CEP112: variants seen among roughly 807,000 people sequenced by gnomAD.
The protein encoded by CEP112 is centrosomal protein 112, also known as centrosomal protein of 112 kDa.
In CEP112, 127 loss-of-function variants were observed where a neutral mutation model predicts 153.0. The ratio of observed to expected loss-of-function variants is 0.83; its 90% CI spans 0.72 to 0.96. CEP112 has a LOEUF of 0.96. Among genes scored for constraint, CEP112 ranks in the 40% least tolerant of loss-of-function variants. The pLI is 0.00. For synonymous variants in CEP112, 358 were observed against 374.4 expected, an observed-to-expected ratio of 0.96 and a Z score of 0.51; for missense variants, 1,089 against 1,101.2, an observed-to-expected ratio of 0.99 and a Z score of 0.16.
chr17:65,941,371 T>C (rs1048534806), intron 18 of CEP112: 1 of 152,138 alleles, frequency 6.6e-6, no homozygotes, highest in African/African-American at 2.4e-5. Flanking sequence ...GGCTTTTGTA[T>C]CAAAAGATTT....
chr17:65,848,413 T>C (rs1014304432), intron 21 of CEP112, among the ~76,000 whole-genome samples: 1 of 152,156 alleles, frequency 6.6e-6, no homozygotes, highest in Non-Finnish European at 1.5e-5. Context: ...CAAATAGTCT[T>C]TTCCTCTATT....
At chr17:66,025,942 C>CACACACACACACACAT in intron 16 of CEP112, among the ~76,000 whole-genome samples, 1 of 122,410 alleles carries the variant, frequency 8.2e-6, no homozygotes, top group Non-Finnish European at 1.8e-5. Context: ...CACACACACA[C>CACACACACACACACAT]ACACACATAT....
At chr17:65,883,853 G>T (rs2146637062) in intron 20 of CEP112, among the ~76,000 whole-genome samples, 1 of 152,304 alleles carries the variant, frequency 6.6e-6, no homozygotes. Flanking sequence ...TGAATAAAGT[G>T]AATGGATTGG....
intron 24 of CEP112, among the ~76,000 whole-genome samples, chr17:65,667,931 G>A (rs2046778964): frequency 6.7e-6 from 1 of 148,660 alleles, no homozygotes. Context: ...GAGTCTCGCT[G>A]TGTCACCCAG....
chr17:65,969,348 G>A (rs1050755168), intron 17 of CEP112, among the ~76,000 whole-genome samples: 1 of 152,080 alleles, frequency 6.6e-6, no homozygotes, highest in Non-Finnish European at 1.5e-5. Flanking sequence ...AGATCATTAT[G>A]AAAAATATTT....
chr17:65,826,143 T>A (rs1311323877), intron 21 of CEP112: 2 of 1,613,994 alleles, frequency 1.2e-6, no homozygotes, highest in South Asian at 2.2e-5. Flanking sequence ...CTTACCTTCT[T>A]CTCTTTGAGG....
At chr17:66,030,084 TA>T in intron 12 of CEP112, 61 bp from the exon 13 acceptor site, 1 of 1,422,088 alleles carries the variant, frequency 7.0e-7, no homozygotes, top group Non-Finnish European at 9.7e-7. Context: ...TTTGTATCTG[TA>T]AGAAGCTTGA....
chr17:65,950,032 A>G (rs2061770340), intron 18 of CEP112, among the ~76,000 whole-genome samples: 1 of 152,150 alleles, frequency 6.6e-6, no homozygotes, highest in Admixed American at 6.6e-5. Context: ...GTATTTTTTA[A>G]AAAATAGCCT....
At chr17:65,790,483 A>G (rs971445512) in intron 21 of CEP112, among the ~76,000 whole-genome samples, 2 of 152,132 alleles carry the variant, frequency 1.3e-5, no homozygotes, top group Non-Finnish European at 2.9e-5. Context: ...TATACTCTTG[A>G]AGCAGCAGTC....
intron 4 of CEP112, among the ~76,000 whole-genome samples, chr17:66,146,273 T>C: frequency 6.6e-6 from 1 of 152,066 alleles, no homozygotes; most frequent in Non-Finnish European, 1.5e-5. Context: ...GGTGGTTAAT[T>C]ATGAATTCAA....
intron 17 of CEP112, among the ~76,000 whole-genome samples, chr17:65,976,098 C>A (rs576981583): frequency 1.3e-5 from 2 of 152,344 alleles, no homozygotes; most frequent in South Asian, 4.1e-4. Flanking sequence ...CTCGGACAAG[C>A]AAGTGTGAAC....
At chr17:66,080,956 G>A (rs1383522087) in intron 8 of CEP112, among the ~76,000 whole-genome samples, 1 of 150,802 alleles carries the variant, frequency 6.6e-6, no homozygotes, top group Non-Finnish European at 1.5e-5. Flanking sequence ...AGTGGGAGTT[G>A]AACAATGAGA....
At chr17:65,762,457 T>C (rs954528817) in intron 21 of CEP112, among the ~76,000 whole-genome samples, 5 of 152,074 alleles carry the variant, frequency 3.3e-5, no homozygotes, top group African/African-American at 9.7e-5. Context: ...AGTTAGATCA[T>C]AGCTACCATA....
chr17:65,654,068 A>AAAAAAAAAAAAAAAAAAG (rs2045934371), intron 24 of CEP112, among the ~76,000 whole-genome samples: 1 of 149,974 alleles, frequency 6.7e-6, no homozygotes, highest in African/African-American at 2.5e-5. Context: ...AAAAAAAAAA[A>AAAAAAAAAAAAAAAAAAG]AAAAAAAAAA....
intron 24 of CEP112, among the ~76,000 whole-genome samples, chr17:65,653,720 C>T (rs2045906734): frequency 6.6e-6 from 1 of 152,020 alleles, no homozygotes; most frequent in Non-Finnish European, 1.5e-5. Context: ...TGCAGCCAAA[C>T]GTTTTTGCAT....
intron 21 of CEP112, among the ~76,000 whole-genome samples, chr17:65,834,710 G>A (rs549501479): frequency 1.3e-5 from 2 of 152,290 alleles, no homozygotes; most frequent in East Asian, 3.9e-4. Context: ...ATGCTGGCAA[G>A]GGTGTGGAGA....
At chr17:65,740,190 T>C (rs1188452883) in intron 23 of CEP112, among the ~76,000 whole-genome samples, 1 of 152,218 alleles carries the variant, frequency 6.6e-6, no homozygotes, top group Non-Finnish European at 1.5e-5. Context: ...TCCAACGTCA[T>C]TTCCTATAGT....
At chr17:66,065,429 G>A (rs565074300) in intron 10 of CEP112, among the ~76,000 whole-genome samples, 1 of 151,902 alleles carries the variant, frequency 6.6e-6, no homozygotes, top group African/African-American at 2.4e-5. Flanking sequence ...TAACAGACTT[G>A]GAATTGGCCT....
intron 11 of CEP112, among the ~76,000 whole-genome samples, chr17:66,060,645 T>C (rs2066886845): frequency 6.6e-6 from 1 of 151,922 alleles, no homozygotes; most frequent in East Asian, 1.9e-4. Context: ...GCCAAGAACA[T>C]ACAATGGGGA....
Sources: gnomAD v4.1 joint callset for allele counts (sites outside exome capture counted in the v4.1 genomes callset) on GRCh38, gnomAD v4.1.1 for gene constraint, MANE v1.5 for transcripts, NCBI Gene and HGNC (gene_info 2026-07-23, HGNC 2026-07-21) for gene names.